The following JADE3 variants were observed in gnomAD, a reference collection of about 807,000 sequenced individuals.
JADE3 encodes protein Jade-3.
JADE3 carries 2 observed loss-of-function variants against 50.1 expected under a neutral mutation model. The ratio of observed to expected loss-of-function variants is 0.04; its 90% CI spans 0.02 to 0.13. The LOEUF (loss-of-function observed/expected upper bound fraction) is 0.13, where lower values mean the gene tolerates loss of function less well. Ranked by LOEUF, JADE3 falls within the 10% of genes least tolerant of loss-of-function variation. JADE3 has a pLI of 1.00. For synonymous variants in JADE3, 218 were observed against 232.9 expected, an observed-to-expected ratio of 0.94 and a Z score of 0.58; for missense variants, 475 against 634.4, an observed-to-expected ratio of 0.75 and a Z score of 2.70.
chrX:46,943,445 A>G (rs1926809705), intron 1 of JADE3, among the ~76,000 whole-genome samples: 1 of 112,053 alleles, frequency 8.9e-6, no homozygotes, highest in South Asian at 3.7e-4. Flanking sequence ...TGCTGCATCT[A>G]TTTGGCATAA....
At chrX:47,004,551 C>T (rs1166502497) in intron 4 of JADE3, among the ~76,000 whole-genome samples, 2 of 112,082 alleles carry the variant, frequency 1.8e-5, no homozygotes. Context: ...CCACCTCAGC[C>T]TCCCAAGAGC....
intron 4 of JADE3, among the ~76,000 whole-genome samples, chrX:47,017,347 G>A (rs186138178): frequency 8.9e-6 from 1 of 112,042 alleles, no homozygotes; most frequent in Admixed American, 9.5e-5. Context: ...TAGACTGAAG[G>A]ATTTTGAGTC....
intron 1 of JADE3, among the ~76,000 whole-genome samples, chrX:46,937,454 G>T (rs782616133): frequency 1.6e-3 from 182 of 111,556 alleles, no homozygotes; most frequent in Non-Finnish European, 2.5e-3. Context: ...GTATATTTTT[G>T]CTGATTTTCT....
At chrX:46,962,948 C>T (rs1481197049) in intron 1 of JADE3, among the ~76,000 whole-genome samples, 1 of 110,072 alleles carries the variant, frequency 9.1e-6, no homozygotes, top group Non-Finnish European at 1.9e-5. Context: ...AAACGATTCT[C>T]CTGCCTAAGC....
chrX:46,928,828 G>A (rs1569534174), intron 1 of JADE3, among the ~76,000 whole-genome samples: 1 of 111,231 alleles, frequency 9.0e-6, no homozygotes, highest in Non-Finnish European at 1.9e-5. Context: ...GTGCAGGCTG[G>A]TCTTAAATTC....
At chrX:47,020,754 A>G (rs1328603775) in intron 4 of JADE3, among the ~76,000 whole-genome samples, 1 of 112,507 alleles carries the variant, frequency 8.9e-6, no homozygotes, top group African/African-American at 3.2e-5. Context: ...AGAAAAGTAC[A>G]CAAAGCTGTA....
At chrX:46,987,250 C>T (rs1927883065) in intron 3 of JADE3, among the ~76,000 whole-genome samples, 1 of 112,503 alleles carries the variant, frequency 8.9e-6, no homozygotes, top group African/African-American at 3.2e-5. Flanking sequence ...TTCCATAGAT[C>T]CTCTCACAAC....
intron 1 of JADE3, among the ~76,000 whole-genome samples, chrX:46,949,584 A>G (rs922350708): frequency 8.9e-6 from 1 of 111,880 alleles, no homozygotes; most frequent in Non-Finnish European, 1.9e-5. Context: ...TTATTGAGGC[A>G]TAATTTACGT....
intron 1 of JADE3, among the ~76,000 whole-genome samples, chrX:46,952,457 C>T (rs1476640890): frequency 8.9e-6 from 1 of 112,317 alleles, no homozygotes; most frequent in East Asian, 2.8e-4. Context: ...TAACTCATTT[C>T]TCCAAGTCTT....
chrX:46,988,305 A>G (rs1187832588), intron 3 of JADE3, among the ~76,000 whole-genome samples: 1 of 111,329 alleles, frequency 9.0e-6, no homozygotes, highest in Non-Finnish European at 1.9e-5. Context: ...CAGTAACACT[A>G]TAAAGTAGGT....
At chrX:47,045,745 G>A (rs186814989) in intron 8 of JADE3, among the ~76,000 whole-genome samples, 1 of 111,082 alleles carries the variant, frequency 9.0e-6, no homozygotes, top group East Asian at 2.8e-4. Flanking sequence ...GAAGAATTTT[G>A]GAAACTATAC....
chrX:47,004,708 C>T (rs1296746692), intron 4 of JADE3, among the ~76,000 whole-genome samples: 4 of 112,771 alleles, frequency 3.5e-5, no homozygotes, highest in South Asian at 3.6e-4. Flanking sequence ...GTTGGGATTA[C>T]GGGCGTGAGC....
At chrX:47,038,766 T>C (rs1929191270) in intron 7 of JADE3, among the ~76,000 whole-genome samples, 183 bp from the exon 8 acceptor site, 1 of 110,925 alleles carries the variant, frequency 9.0e-6, no homozygotes, top group Admixed American at 9.7e-5. Flanking sequence ...TTACTGGAAA[T>C]GAGTGAAGGA....
chrX:47,024,800 A>G lies in JADE3; in HGVS notation c.361A>G (p.Thr121Ala). 2 of 1,195,529 alleles carry G rather than the reference A, an allele frequency of 1.7e-6. No individual in the cohort carries two copies. The highest frequency in any genetic ancestry group is 5.9e-5 in the East Asian group (2 of 33,749). The stretch of plus-strand genomic sequence containing the variant: ...TATTCACTGCTCCAGCCCAGACACC[A>G]CAGAGCCTGGCTACATCAACATCAT... The part of the protein sequence containing the change: ...KYIHCSSPDT[T>A]EPGYINIMEL... Residue 121 changes from threonine to alanine, a missense_variant, in exon 5 of 11, where the codon ACA (threonine) becomes GCA (alanine). Around this residue, in one of 6 missense-constraint regions of JADE3, gnomAD observed 54 missense variants for 51.8 expected, o/e 1.04. Coordinates refer to ENST00000614628, the MANE Select transcript of JADE3 (RefSeq NM_014735.5).
At chrX:46,915,757 TAA>T (rs199877991) in intron 1 of JADE3, among the ~76,000 whole-genome samples, 3 of 92,310 alleles carry the variant, frequency 3.2e-5, no homozygotes, top group Admixed American at 1.2e-4. Flanking sequence ...TGGGAGAAAG[TAA>T]AAAAAAAAAA....
chrX:46,954,548 T>TTTTTTA (rs1314053998), intron 1 of JADE3, among the ~76,000 whole-genome samples: 2 of 111,351 alleles, frequency 1.8e-5, no homozygotes, highest in Non-Finnish European at 3.8e-5. Context: ...GCATTCTTTA[T>TTTTTTA]TTTTTATTTT....
chrX:47,046,143 A>G (rs1215142566), intron 8 of JADE3, among the ~76,000 whole-genome samples: 2 of 110,509 alleles, frequency 1.8e-5, no homozygotes, highest in South Asian at 3.8e-4. Context: ...ACTCACTGAG[A>G]AAAAAAAAGA....
At chrX:47,007,929 G>T (rs782189781) in intron 4 of JADE3, among the ~76,000 whole-genome samples, 2 of 104,590 alleles carry the variant, frequency 1.9e-5, no homozygotes, top group African/African-American at 7.0e-5. Flanking sequence ...TACCAAACTC[G>T]ATCCATGTGA....
Position 47,059,359 on chromosome X carries a change from G to C in JADE3, c.*282G>C. ...GTAAATATTTTGGGGCAGCTTTCCG[G>C]TTATATAACACATTGACAAGTATAT... is the stretch of plus-strand genomic sequence containing the variant. On this transcript the variant is annotated 3_prime_UTR_variant, in exon 11 of 11. Transcript: ENST00000614628. 1 of 275,946 alleles carries C rather than the reference G, an allele frequency of 3.6e-6. No individual in the cohort carries two copies. The allele number at this position is 275,946 out of a possible 1,213,427, so 22.7% of individuals were successfully genotyped here. A position where few individuals can be genotyped will look rare whatever the true frequency, so the allele number is the denominator to read the frequency against.
Sources: allele counts gnomAD v4.1 joint callset (sites outside exome capture counted in the v4.1 genomes callset), GRCh38; gene constraint gnomAD v4.1.1; regional missense constraint gnomAD v4.1.1; transcripts MANE v1.5; gene names NCBI Gene and HGNC (gene_info 2026-07-23, HGNC 2026-07-21).